The following LINS1 variants were observed in gnomAD, a reference collection of about 807,000 sequenced individuals.
The protein encoded by LINS1 is protein Lines homolog 1.
In LINS1, 27 loss-of-function variants were observed where a neutral mutation model predicts 41.6. The ratio of observed to expected loss-of-function variants is 0.65; its 90% CI spans 0.48 to 0.89. The LOEUF is 0.89. LINS1 is among the 40% of genes least tolerant of loss of function. LINS1 has a pLI of 0.00. For missense variants in LINS1, 955 were observed against 884.1 expected (o/e 1.08, Z -1.02); for synonymous variants, 336 against 312.9 (o/e 1.07, Z -0.78).
In LINS1 at chr15:100,580,482, T is replaced by G. The variant is rs1444820045; in HGVS notation, c.361A>C (p.Lys121Gln). The G allele has an allele frequency of 6.2e-7, 1 of 1,613,948 alleles. No individual in the cohort carries two copies. Among genetic ancestry groups the G allele is most frequent in the Admixed American group, 1.7e-5 (1 of 59,968 alleles). ...HAKEQYRDVI[K>Q]ILLESAKVDS... ...ACTTTGGCTGATTCTAAGAGAATTT[T>G]AATTACATCTCTGTACTGCTCCTTT... Residue 121 changes from lysine to glutamine, a missense_variant, in exon 2 of 7, where the codon AAA becomes CAA. By Grantham distance (53) the Lys-to-Gln change is moderately conservative (BLOSUM62 1). Transcript: ENST00000314742.
At chr15:100,595,170 T>C (rs189886323) in intron 1 of LINS1, among the ~76,000 whole-genome samples, 11 of 152,240 alleles carry the variant, frequency 7.2e-5, no homozygotes, top group Admixed American at 6.5e-4. Flanking sequence ...CATAAAAGCA[T>C]GATCCACAAA....
chr15:100,580,939 G>T lies in LINS1; in HGVS notation c.-97C>A. The T allele has an allele frequency of 8.8e-7, 1 of 1,140,150 alleles. No homozygotes were observed. Among genetic ancestry groups the T allele is most frequent in the Non-Finnish European group, 1.3e-6 (1 of 795,896 alleles). The allele number at this position is 1,140,150 out of a possible 1,614,324, so 70.6% of individuals were successfully genotyped here. On this transcript the variant is annotated 5_prime_UTR_variant, in exon 2 of 7. The change creates a new upstream start codon in the 5' untranslated region. Transcript: ENST00000314742. ...AATGAATCTCTAAGAAGTTTCTTCA[G>T]TGAAACCTAAAATAGGAAAAATAAT...
chr15:100,581,384 G>A (rs545175929), intron 1 of LINS1, among the ~76,000 whole-genome samples: 1 of 152,288 alleles, frequency 6.6e-6, no homozygotes, highest in South Asian at 2.1e-4. Context: ...AATGTCTGCA[G>A]ACATTGTCAA....
intron 3 of LINS1, among the ~76,000 whole-genome samples, chr15:100,575,795 G>A (rs1368730838): frequency 6.6e-6 from 1 of 152,174 alleles, no homozygotes; most frequent in East Asian, 1.9e-4. Context: ...CTCAGCAAAT[G>A]TAAAAGAACA....
chr15:100,578,573 G>A (rs2038331232), intron 3 of LINS1, among the ~76,000 whole-genome samples: 1 of 152,202 alleles, frequency 6.6e-6, no homozygotes, highest in Admixed American at 6.5e-5. Flanking sequence ...TTACACTGTT[G>A]GTGGGACTGT....
chr15:100,569,059 G>C lies in LINS1; in HGVS notation c.*179C>G. The C allele has an allele frequency of 2.1e-6, 1 of 475,506 alleles. No homozygotes were observed. Among genetic ancestry groups the C allele is most frequent in the Non-Finnish European group, 3.8e-6 (1 of 265,422 alleles). The allele number at this position is 475,506 out of a possible 1,614,324, so 29.5% of individuals were successfully genotyped here. A position where few individuals can be genotyped will look rare whatever the true frequency, so the allele number is the denominator to read the frequency against. ...GAATTGCTTGAACCCAGGAGGTGGA[G>C]GTTGCAGTGAGTCGAGTCACGCCAC... is the stretch of plus-strand genomic sequence containing the variant. On this transcript the variant is annotated 3_prime_UTR_variant, in exon 7 of 7. Coordinates refer to ENST00000314742, the MANE Select transcript of LINS1 (RefSeq NM_001040616.3).
intron 1 of LINS1, among the ~76,000 whole-genome samples, chr15:100,601,611 G>T (rs1199525223): frequency 6.6e-6 from 1 of 151,898 alleles, no homozygotes; most frequent in Non-Finnish European, 1.5e-5. Flanking sequence ...CATTCTGCTT[G>T]ATTTTCCTCA....
At chr15:100,596,012 A>T (rs1397803020) in intron 1 of LINS1, among the ~76,000 whole-genome samples, 1 of 152,238 alleles carries the variant, frequency 6.6e-6, no homozygotes, top group South Asian at 2.1e-4. Flanking sequence ...TTCCGACAGC[A>T]TGCCATGTGC....
In LINS1 at chr15:100,572,011, T is replaced by C. The variant is rs140690617; in HGVS notation, c.1277A>G (p.Gln426Arg). Residue 426 changes from glutamine to arginine, a missense_variant, in exon 6 of 7, where the codon CAG becomes CGG. Physicochemically the swap from Gln to Arg is conservative, Grantham distance 43. Coordinates refer to ENST00000314742, the MANE Select transcript of LINS1 (RefSeq NM_001040616.3). ...ELLTFLKPHLQPSLQLHNPCK... is the reference protein window; with the variant it reads ...ELLTFLKPHLRPSLQLHNPCK... ...CGGATTGTGTAATTGCAGAGAGGGCTGAAGATGAGGCTTTAAGAAGGTCAG... is the reference window on the plus strand; with the variant it reads ...CGGATTGTGTAATTGCAGAGAGGGCCGAAGATGAGGCTTTAAGAAGGTCAG... The C allele has an allele frequency of 3.8e-5, 62 of 1,614,216 alleles. No homozygotes were observed. The highest frequency in any genetic ancestry group is 1.6e-4 in the Middle Eastern group (1 of 6,062).
intron 3 of LINS1, among the ~76,000 whole-genome samples, chr15:100,578,926 C>T (rs2141300507): frequency 6.6e-6 from 1 of 151,164 alleles, no homozygotes; most frequent in Non-Finnish European, 1.5e-5. Flanking sequence ...ATCACAAGAA[C>T]AAAAAACCAA....
At chr15:100,598,301 T>C (rs1237831418) in intron 1 of LINS1, among the ~76,000 whole-genome samples, 1 of 152,250 alleles carries the variant, frequency 6.6e-6, no homozygotes, top group Admixed American at 6.5e-5. Flanking sequence ...GTAGTGTATA[T>C]GTAACAATCC....
In LINS1 at chr15:100,569,153, A is replaced by T. The variant is rs28438569; in HGVS notation, c.*85T>A. On this transcript the variant is annotated 3_prime_UTR_variant, in exon 7 of 7. Transcript: ENST00000314742. ...AAAAAAAAAAAAAGAAAACCCTTTT[A>T]TGGTGATGATTTTATACTATTACCT... 331 of 783,980 alleles carry T rather than the reference A, an allele frequency of 4.2e-4. No homozygotes were observed. Among genetic ancestry groups the T allele is most frequent in the Non-Finnish European group, 6.1e-4 (300 of 488,084 alleles). 48.6% of individuals were successfully genotyped at this position (783,980 alleles called of 1,614,324 possible). A position where few individuals can be genotyped will look rare whatever the true frequency, so the allele number is the denominator to read the frequency against.
chr15:100,599,210 A>T (rs931873992), intron 1 of LINS1, among the ~76,000 whole-genome samples: 2 of 152,260 alleles, frequency 1.3e-5, no homozygotes, highest in African/African-American at 4.8e-5. Context: ...AACTAAGTTA[A>T]TGGGAAATGA....
intron 1 of LINS1, among the ~76,000 whole-genome samples, chr15:100,581,287 A>G (rs1439694175): frequency 4.6e-5 from 7 of 152,170 alleles, no homozygotes; most frequent in South Asian, 2.1e-4. Context: ...TTTGTGTATT[A>G]TAAGATGTTT....
chr15:100,582,107 T>C (rs2038572807), intron 1 of LINS1, among the ~76,000 whole-genome samples: 2 of 152,330 alleles, frequency 1.3e-5, no homozygotes, highest in South Asian at 4.1e-4. Context: ...ATCTACAATA[T>C]GGCCACTAGC....
At chr15:100,599,269 G>A (rs540713479) in intron 1 of LINS1, among the ~76,000 whole-genome samples, 14 of 152,042 alleles carry the variant, frequency 9.2e-5, no homozygotes, top group East Asian at 1.9e-4. Flanking sequence ...TAAATATTCC[G>A]CAATCTAAAC....
chr15:100,580,938 A>C lies in LINS1; in HGVS notation c.-96T>G. The C allele has an allele frequency of 8.8e-7, 1 of 1,141,802 alleles. No homozygotes were observed. Among genetic ancestry groups the C allele is most frequent in the Non-Finnish European group, 1.3e-6 (1 of 796,886 alleles). 70.7% of individuals were successfully genotyped at this position (1,141,802 alleles called of 1,614,324 possible). A position where few individuals can be genotyped will look rare whatever the true frequency, so the allele number is the denominator to read the frequency against. On this transcript the variant is annotated 5_prime_UTR_variant, in exon 2 of 7. Coordinates refer to ENST00000314742, the MANE Select transcript of LINS1 (RefSeq NM_001040616.3). ...CAATGAATCTCTAAGAAGTTTCTTC[A>C]GTGAAACCTAAAATAGGAAAAATAA...
At chr15:100,590,415 A>G (rs977712115) in intron 1 of LINS1, among the ~76,000 whole-genome samples, 1 of 152,082 alleles carries the variant, frequency 6.6e-6, no homozygotes, top group Non-Finnish European at 1.5e-5. Flanking sequence ...GAAACAGAAC[A>G]TTGGTTCACT....
intron 1 of LINS1, among the ~76,000 whole-genome samples, chr15:100,601,895 G>A (rs1294020098): frequency 1.3e-5 from 2 of 152,146 alleles, no homozygotes; most frequent in Non-Finnish European, 2.9e-5. Flanking sequence ...CTTCAGGCGA[G>A]GCATTGCCAG....
Sources: allele counts gnomAD v4.1 joint callset (sites outside exome capture counted in the v4.1 genomes callset), GRCh38; gene constraint gnomAD v4.1.1; transcripts MANE v1.5; gene names NCBI Gene and HGNC (gene_info 2026-07-23, HGNC 2026-07-21).